The following PDLIM7 variants were observed in gnomAD, a reference collection of about 807,000 sequenced individuals.
PDLIM7 encodes PDZ and LIM domain protein 7.
Under a neutral mutation model 53.9 loss-of-function variants are expected in PDLIM7, and 37 were observed. That is an observed-to-expected ratio of 0.69 (90% CI 0.53 to 0.90). PDLIM7 has a LOEUF of 0.90. Ranked by LOEUF, PDLIM7 falls within the 40% of genes least tolerant of loss-of-function variation. The pLI is 0.00. For synonymous variants in PDLIM7, 300 were observed against 261.3 expected, an observed-to-expected ratio of 1.15 and a Z score of -1.43; for missense variants, 617 against 638.5, an observed-to-expected ratio of 0.97 and a Z score of 0.36.
At chr5:177,496,068 T>C (rs1359926888) in intron 2 of PDLIM7, among the ~76,000 whole-genome samples, 4 of 152,148 alleles carry the variant, frequency 2.6e-5, no homozygotes, top group African/African-American at 9.7e-5. Context: ...CACAGTGTCC[T>C]GCCTGGGGCC....
Position 177,491,905 on chromosome 5 carries a change from G to A in PDLIM7, c.300C>T (p.Asp100=), listed in dbSNP as rs905033157. 4 of 1,285,262 alleles carry A rather than the reference G, an allele frequency of 3.1e-6. No individual in the cohort carries two copies. In the African/African-American group the frequency reaches 4.7e-5, roughly 15 times the overall value. The allele number at this position is 1,285,262 out of a possible 1,614,324, so 79.6% of individuals were successfully genotyped here. Residue 100 remains aspartate, a synonymous_variant, in exon 5 of 13, where the codon GAC becomes GAT. Transcript: ENST00000355841. ...TGGGTGCAAAGGTGTACCGCGGAGG[G>A]TCCGCGGCGGGGGCGGAGGCCTGGG... ...KPQKASAPAA[D]PPRYTFAPSV... is the part of the protein sequence containing the mutation.
Position 177,489,536 on chromosome 5 carries a change from C to A in PDLIM7, c.726G>T (p.Val242=). 1 of 1,610,300 alleles carries A rather than the reference C, an allele frequency of 6.2e-7. No individual in the cohort carries two copies. The highest frequency in any genetic ancestry group is 8.5e-7 in the Non-Finnish European group (1 of 1,179,062). Residue 242 remains valine, a synonymous_variant, in exon 9 of 13, where the codon GTG becomes GTT. Coordinates refer to ENST00000355841, the MANE Select transcript of PDLIM7 (RefSeq NM_005451.5). ...ERYAPDKTST[V]LTRHSQPATP... is the part of the protein sequence containing the mutation. ...TGGCCGGCTGGCTGTGCCGGGTCAG[C>A]ACTGTGCTCGTTTTGTCCGGGGCAT... is the stretch of plus-strand genomic sequence containing the variant.
chr5:177,492,715 C>G, intron 2 of PDLIM7, 38 bp from the exon 3 acceptor site: 1 of 1,584,402 alleles, frequency 6.3e-7, no homozygotes, highest in Non-Finnish European at 8.6e-7. Context: ...GGCCCTGGAC[C>G]CTGCAGACCC....
rs1057510491 is a variant in PDLIM7, at chr5:177,483,886, T to G, written c.1268A>C (p.Asp423Ala). 1 of 1,613,502 alleles carries G rather than the reference T, an allele frequency of 6.2e-7. No homozygotes were observed. Among genetic ancestry groups the G allele is most frequent in the Non-Finnish European group, 8.5e-7 (1 of 1,179,898 alleles). Residue 423 changes from aspartate (D) to alanine (A), a missense_variant, in exon 12 of 13, where the codon GAC (aspartate) becomes GCC (alanine). By Grantham distance (126) the Asp-to-Ala change is moderately radical (BLOSUM62 -2). Transcript: ENST00000355841. Reference sequence around the variant, plus strand: ...TCTCACCGCACAGACGAAGCAGGTGTCATGCCAGCTGAAGCCCAGGGCCTC... The same window carrying G: ...TCTCACCGCACAGACGAAGCAGGTGGCATGCCAGCTGAAGCCCAGGGCCTC... ...FLEALGFSWH[D>A]TCFVCAICQI...
chr5:177,492,466 C>T (rs926262953), intron 3 of PDLIM7, 31 bp from the exon 4 acceptor site: 9 of 1,613,612 alleles, frequency 5.6e-6, no homozygotes, highest in Admixed American at 5.0e-5. Flanking sequence ...GACAGCGGGC[C>T]GGGCCCGCAG....
Position 177,491,802 on chromosome 5 carries a change from C to T in PDLIM7, c.398+5G>A. On this transcript the variant is annotated splice_donor_5th_base_variant and intron_variant, in intron 5 of 12. Coordinates refer to ENST00000355841, the MANE Select transcript of PDLIM7 (RefSeq NM_005451.5). ...GTGGGCGCGGGCGGGCAGGGGCCGA[C>T]GTACCCATTCTGCTGCGGGGCGCTG... The T allele has an allele frequency of 8.0e-7, 1 of 1,250,290 alleles. No individual in the cohort carries two copies. The highest frequency in any genetic ancestry group is 1.0e-6 in the Non-Finnish European group (1 of 981,932). 77.4% of individuals were successfully genotyped at this position (1,250,290 alleles called of 1,614,324 possible).
At chr5:177,491,685 G>A (rs1443544616) in intron 5 of PDLIM7, 122 bp downstream of exon 5, 4 of 666,034 alleles carry the variant, frequency 6.0e-6, no homozygotes, top group African/African-American at 5.7e-5. Context: ...CGGCCGCCAG[G>A]GGGCGCTGCC....
At chr5:177,492,304 G>A (rs939074833) in intron 4 of PDLIM7, 101 bp downstream of exon 4, 31 of 1,463,116 alleles carry the variant, frequency 2.1e-5, no homozygotes, top group African/African-American at 2.1e-4. Context: ...CTCCACTCCC[G>A]GCCAGGGATT....
chr5:177,492,130 A>C, intron 4 of PDLIM7: 1 of 591,156 alleles, frequency 1.7e-6, no homozygotes, highest in Non-Finnish European at 3.0e-6. Context: ...TCCACGCAGG[A>C]CCGAGGGCTG....
chr5:177,497,014 G>GGGAGGGGAA (rs1759116633), intron 1 of PDLIM7: 6 of 58,804 alleles, frequency 1.0e-4, no homozygotes, highest in Non-Finnish European at 2.5e-4. Flanking sequence ...GCGAGGGGGG[G>GGGAGGGGAA]GGGAGGGGAG....
chr5:177,491,649 G>A (rs1235816472), intron 5 of PDLIM7, 158 bp downstream of exon 5: 5 of 614,994 alleles, frequency 8.1e-6, no homozygotes, highest in South Asian at 2.1e-5. Context: ...AGCCTCGGGA[G>A]GGGCCCTGTG....
rs572097294 is a variant in PDLIM7 at position 177,484,251 on chromosome 5, G to A, written c.1051-61C>T. ...CCCCTCCTGCCCTGCCCTGGGTCAC[G>A]GGAACACAGGAGGGCTGGCCGCAAG... On this transcript the variant is annotated intron_variant, in intron 10 of 12. Coordinates refer to ENST00000355841, the MANE Select transcript of PDLIM7 (RefSeq NM_005451.5). 1,134 of 1,593,998 alleles carry A rather than the reference G, an allele frequency of 7.1e-4. 5 individuals carry two copies. In the Middle Eastern group the frequency reaches 7.6e-3, roughly 11 times the overall value.
In PDLIM7 at chr5:177,484,357, G is replaced by A. The variant is rs930219711; in HGVS notation, c.1051-167C>T. Reference sequence around the variant, plus strand: ...CCATCTCCAACTCCAAGGTCTCTGAGTGGACGACCACTGCGCCTTCAGACT... The same window carrying A: ...CCATCTCCAACTCCAAGGTCTCTGAATGGACGACCACTGCGCCTTCAGACT... On this transcript the variant is annotated intron_variant, in intron 10 of 12. Transcript: ENST00000355841. 5 of 765,034 alleles carry A rather than the reference G, an allele frequency of 6.5e-6. No individual in the cohort carries two copies. The African/African-American group carries it at 8.7e-5, about 13-fold the overall frequency. 47.4% of individuals were successfully genotyped at this position (765,034 alleles called of 1,614,324 possible). A position where few individuals can be genotyped will look rare whatever the true frequency, so the allele number is the denominator to read the frequency against.
In PDLIM7 at chr5:177,490,710, A is replaced by G. The variant is rs77860633; in HGVS notation, c.572+160T>C. On this transcript the variant is annotated intron_variant, in intron 7 of 12. Transcript: ENST00000355841. ...GAAATGAAAGAAGGAAGGAAGGAGG[A>G]AGGGAAGGAAGGAAGGAAGGAAGGA... The G allele has an allele frequency of 5.7e-3, 3,069 of 540,726 alleles. 140 individuals are homozygous for G. The highest frequency in any genetic ancestry group is 0.027 in the Admixed American group (691 of 25,822). The allele number at this position is 540,726 out of a possible 1,614,324, so 33.5% of individuals were successfully genotyped here.
chr5:177,490,371 A>C, intron 7 of PDLIM7: 1 of 1,462,016 alleles, frequency 6.8e-7, no homozygotes, highest in Non-Finnish European at 9.0e-7. Context: ...GGCCAGCAGG[A>C]GGCTCAGGCC....
At chr5:177,489,062 CAG>C (rs1177450400) in intron 9 of PDLIM7, among the ~76,000 whole-genome samples, 2 of 147,084 alleles carry the variant, frequency 1.4e-5, no homozygotes, top group East Asian at 1.9e-4. Flanking sequence ...CAGAGGGAGA[CAG>C]AGAGCAGGAG....
intron 7 of PDLIM7, chr5:177,490,112 G>T: frequency 1.3e-6 from 2 of 1,514,296 alleles, no homozygotes. Flanking sequence ...GTGATGGCAG[G>T]GCAGGGCCCC....
chr5:177,492,529 C>G lies in PDLIM7; in HGVS notation c.245G>C (p.Ser82Thr). 6.2e-7 allele frequency: 1 copy of G among 1,613,734 alleles called. No individual in the cohort carries two copies. ...CCATCCATGTCCACCCGCATACCTG[C>G]TGAGGCCCAGGCTGAGGCGCTCCCC... ...ACGERLSLGL[S>T]RAQPVQSKPQ... The change falls in exon 3 of 13, where the codon AGC becomes ACC. Residue 82 changes from serine to threonine, a missense_variant. Transcript: ENST00000355841.
At chr5:177,496,934 G>A (rs931579583) in intron 1 of PDLIM7, 10 of 155,572 alleles carry the variant, frequency 6.4e-5, no homozygotes, top group East Asian at 1.9e-4. Flanking sequence ...GAGCCTGCTC[G>A]GACTATATAA....
Sources: gnomAD v4.1 joint callset for allele counts (sites outside exome capture counted in the v4.1 genomes callset) on GRCh38, gnomAD v4.1.1 for gene constraint, MANE v1.5 for transcripts, NCBI Gene and HGNC (gene_info 2026-07-23, HGNC 2026-07-21) for gene names.